The following SLC12A8 variants were observed in gnomAD, a reference collection of about 807,000 sequenced individuals.
SLC12A8 encodes cation-chloride cotransporter 9.
Under a neutral mutation model 75.6 loss-of-function variants are expected in SLC12A8, and 69 were observed. The ratio of observed to expected loss-of-function variants is 0.91; its 90% CI spans 0.75 to 1.11. The LOEUF (loss-of-function observed/expected upper bound fraction) is 1.11. Among genes scored for constraint, SLC12A8 ranks in the 50% most tolerant of loss-of-function variants. The pLI is 0.00. For missense variants in SLC12A8, 877 were observed against 896.7 expected, an observed-to-expected ratio of 0.98 and a Z score of 0.28; for synonymous variants, 365 against 372.8, an observed-to-expected ratio of 0.98 and a Z score of 0.24.
At chr3:125,108,379 CTTTTT>C (rs1939097882) in intron 9 of SLC12A8, among the ~76,000 whole-genome samples, 2 of 139,594 alleles carry the variant, frequency 1.4e-5, no homozygotes, top group South Asian at 4.6e-4. Flanking sequence ...TTTTTTTTTT[CTTTTT>C]TTGAGACCGG....
chr3:125,198,307 A>G (rs1935044936), intron 2 of SLC12A8, among the ~76,000 whole-genome samples: 1 of 151,214 alleles, frequency 6.6e-6, no homozygotes, highest in African/African-American at 2.4e-5. Flanking sequence ...AGAAAGGCCA[A>G]GGGACTATTC....
chr3:125,091,422 A>G lies in SLC12A8; in HGVS notation c.1921+17T>C, dbSNP rs1938575999. 1.3e-6 allele frequency: 2 copies of G among 1,577,288 alleles called. No homozygotes were observed. The highest frequency in any genetic ancestry group is 2.2e-5 in the East Asian group (1 of 44,730). On this transcript the variant is annotated intron_variant, in intron 12 of 13. Transcript: ENST00000469902. ...AGAGAATGAGGGAACCAGTGGCAAAATGGCTCTGCTGCTTACCAAGGTGAA... is the reference window on the plus strand; with the variant it reads ...AGAGAATGAGGGAACCAGTGGCAAAGTGGCTCTGCTGCTTACCAAGGTGAA...
chr3:125,139,043 C>G (rs1283883965), intron 5 of SLC12A8, among the ~76,000 whole-genome samples: 3 of 152,130 alleles, frequency 2.0e-5, no homozygotes, highest in Non-Finnish European at 4.4e-5. Flanking sequence ...TACTTGTCAT[C>G]AAAAAATATC....
In SLC12A8 at chr3:125,131,314, G is replaced by A. The variant is rs1465128608; in HGVS notation, c.736+4355C>T. Among the ~76,000 whole-genome samples, 5 of 152,232 alleles carry A rather than the reference G, an allele frequency of 3.3e-5. No individual in the cohort carries two copies. The East Asian group carries it at 7.7e-4, about 24-fold the overall frequency. On this transcript the variant is annotated intron_variant, in intron 6 of 13. Transcript: ENST00000469902. ...AGAATCGCTGGGGAAAACATGAGGCGACAAGGAGAAAAACTATCACACAGT... is the reference window on the plus strand; with the variant it reads ...AGAATCGCTGGGGAAAACATGAGGCAACAAGGAGAAAAACTATCACACAGT...
chr3:125,115,569 A>C (rs1579480668), intron 8 of SLC12A8, among the ~76,000 whole-genome samples: 1 of 152,068 alleles, frequency 6.6e-6, no homozygotes, highest in Non-Finnish European at 1.5e-5. Context: ...CTTCTTAGAG[A>C]AACTGTGAGT....
chr3:125,177,722 A>G, intron 5 of SLC12A8, 21 bp downstream of exon 5: 1 of 1,591,976 alleles, frequency 6.3e-7, no homozygotes. Flanking sequence ...AAGGCCACAT[A>G]CTGGACTCTG....
intron 5 of SLC12A8, chr3:125,151,154 T>G (rs1366137667): frequency 1.3e-5 from 2 of 152,032 alleles, no homozygotes; most frequent in Non-Finnish European, 2.9e-5. Flanking sequence ...ATTACCAGGG[T>G]TTTCTTCTTC....
At chr3:125,116,621 T>G (rs1939318639) in intron 8 of SLC12A8, among the ~76,000 whole-genome samples, 1 of 152,142 alleles carries the variant, frequency 6.6e-6, no homozygotes, top group South Asian at 2.1e-4. Flanking sequence ...CTGCCTGCCC[T>G]CCCATATACC....
intron 10 of SLC12A8, among the ~76,000 whole-genome samples, chr3:125,096,732 G>C (rs1938720410): frequency 6.6e-6 from 1 of 152,208 alleles, no homozygotes; most frequent in African/African-American, 2.4e-5. Context: ...AAGTCTGCAA[G>C]ATTGATCTGA....
rs1414465524 is a variant in SLC12A8, at chr3:125,107,827, G to A, written c.1359C>T (p.Gly453=). The change falls in exon 10 of 14, where the codon GGC becomes GGT. Residue 453 remains glycine, a synonymous_variant. Coordinates refer to ENST00000469902, the MANE Select transcript of SLC12A8 (RefSeq NM_024628.6). ...SEGPAQRVLE[G]TLLEFTKDMD... is the part of the protein sequence containing the mutation. ...TGTCCTTGGTGAATTCCAGTAGCGT[G>A]CCCTCCAAGACTCTTTGGGCAGGTC... is the stretch of plus-strand genomic sequence containing the variant. 6.2e-7 allele frequency: 1 copy of A among 1,614,006 alleles called. No homozygotes were observed. The highest frequency in any genetic ancestry group is 2.2e-5 in the East Asian group (1 of 44,892).
chr3:125,187,514 C>T (rs937973904), intron 3 of SLC12A8, 86 bp from the exon 4 acceptor site: 2 of 1,253,478 alleles, frequency 1.6e-6, no homozygotes, highest in Non-Finnish European at 2.3e-6. Flanking sequence ...ACCTCCCCTC[C>T]TCCCACAGCA....
At chr3:125,108,572 T>C (rs1277802041) in intron 9 of SLC12A8, among the ~76,000 whole-genome samples, 9 of 152,164 alleles carry the variant, frequency 5.9e-5, no homozygotes. Flanking sequence ...TTTTGCTATG[T>C]TGCCCAGGCC....
At chr3:125,109,611 G>A (rs1273598801) in intron 9 of SLC12A8, among the ~76,000 whole-genome samples, 1 of 152,146 alleles carries the variant, frequency 6.6e-6, no homozygotes, top group East Asian at 1.9e-4. Context: ...TGTCTCTTTG[G>A]TCCTCCCCTG....
intron 6 of SLC12A8, among the ~76,000 whole-genome samples, chr3:125,128,680 G>A (rs988886955): frequency 6.6e-6 from 1 of 152,134 alleles, no homozygotes; most frequent in Non-Finnish European, 1.5e-5. Context: ...CTGCCCATAA[G>A]TCCATCAGAA....
At chr3:125,190,697 A>G (rs767476568) in intron 2 of SLC12A8, among the ~76,000 whole-genome samples, 176 bp from the exon 3 acceptor site, 3 of 152,282 alleles carry the variant, frequency 2.0e-5, no homozygotes, top group Non-Finnish European at 4.4e-5. Flanking sequence ...ACACATGCGC[A>G]CACACACATC....
intron 2 of SLC12A8, among the ~76,000 whole-genome samples, chr3:125,205,105 A>G (rs780971421): frequency 2.0e-5 from 3 of 152,162 alleles, no homozygotes; most frequent in Non-Finnish European, 2.9e-5. Flanking sequence ...GGCCACCCCT[A>G]TAACCCAGAG....
At chr3:125,124,312 T>C (rs1016220465) in intron 6 of SLC12A8, among the ~76,000 whole-genome samples, 12 of 152,026 alleles carry the variant, frequency 7.9e-5, no homozygotes, top group Non-Finnish European at 1.8e-4. Context: ...GTACATTTGT[T>C]TGTGTTTGTT....
At chr3:125,194,505 A>G (rs144474247) in intron 2 of SLC12A8, among the ~76,000 whole-genome samples, 1,867 of 152,304 alleles carry the variant, frequency 0.012, 18 homozygotes, top group Non-Finnish European at 0.02. Flanking sequence ...AATACTCTCA[A>G]TCCTGCATCC....
At chr3:125,125,832 C>T (rs563234138) in intron 6 of SLC12A8, 3 of 559,340 alleles carry the variant, frequency 5.4e-6, no homozygotes, top group East Asian at 1.4e-4. Context: ...TGTAGATTTC[C>T]CCTTCTGAAA....
Sources: gnomAD v4.1 joint callset for allele counts (sites outside exome capture counted in the v4.1 genomes callset) on GRCh38, gnomAD v4.1.1 for gene constraint, MANE v1.5 for transcripts, NCBI Gene and HGNC (gene_info 2026-07-23, HGNC 2026-07-21) for gene names.